Variants in DLGAP1 observed in about 807,000 individuals in gnomAD.
DLGAP1 encodes disks large-associated protein 1.
In DLGAP1, 11 loss-of-function variants were observed where a neutral mutation model predicts 90.8. That is an observed-to-expected ratio of 0.12 (90% CI 0.08 to 0.20). DLGAP1 has a LOEUF of 0.20. Among genes scored for constraint, DLGAP1 ranks in the 10% least tolerant of loss-of-function variants. The pLI, the probability that DLGAP1 is intolerant of heterozygous loss-of-function variation, is 1.00. For synonymous variants in DLGAP1, 558 were observed against 540.7 expected, an observed-to-expected ratio of 1.03 and a Z score of -0.44; for missense variants, 1,050 against 1,333.8, an observed-to-expected ratio of 0.79 and a Z score of 3.31.
chr18:3,577,678 A>C (rs2055238723), intron 8 of DLGAP1, among the ~76,000 whole-genome samples: 1 of 152,202 alleles, frequency 6.6e-6, no homozygotes, highest in African/African-American at 2.4e-5. Context: ...CCTCATCCCC[A>C]CTGGTCCTAG....
At chr18:3,911,875 A>G (rs1490943921) in intron 3 of DLGAP1, among the ~76,000 whole-genome samples, 1 of 152,240 alleles carries the variant, frequency 6.6e-6, no homozygotes, top group African/African-American at 2.4e-5. Flanking sequence ...TTAATGTCAA[A>G]TTAGCATACA....
rs1314143796 is a variant in DLGAP1, at chr18:3,534,352, T to A, written c.2321A>T (p.Asp774Val). The change falls in exon 10 of 13, where the codon GAC becomes GTC. Residue 774 changes from aspartate (D) to valine (V), a missense_variant. By Grantham distance (152) the Asp-to-Val change is radical. This residue lies in a region of DLGAP1 where 565 missense variants were observed against 879.7 expected (regional missense o/e 0.64). Transcript: ENST00000315677. ...CTCCAGAGGGTCTTCAGTGATAGAG[T>A]CAATCCAGGGGTCCGGAGGAGGCAG... ...SILPPPDPWI[D>V]SITEDPLEAV... The A allele has an allele frequency of 6.2e-7, 1 of 1,613,818 alleles. No homozygotes were observed. Among genetic ancestry groups the A allele is most frequent in the Non-Finnish European group, 8.5e-7 (1 of 1,179,950 alleles).
chr18:4,365,811 G>A lies in DLGAP1; in HGVS notation c.-267+89195C>T, dbSNP rs958448896. On this transcript the variant is annotated intron_variant, in intron 1 of 12. Transcript: ENST00000315677. ...ATAAAATACTTAAATATAGTATTTG[G>A]CTATTGACAACTTTTGAAATTAAAA... 3.3e-5 allele frequency among the ~76,000 whole-genome samples: 5 copies of A among 152,032 alleles called. No homozygotes were observed. The East Asian group carries it at 9.7e-4, about 29-fold the overall frequency.
chr18:4,227,918 G>T (rs1313040891), intron 1 of DLGAP1, among the ~76,000 whole-genome samples: 1 of 151,678 alleles, frequency 6.6e-6, no homozygotes, highest in African/African-American at 2.4e-5. Flanking sequence ...TGAAAAGTTT[G>T]TTTTTAAAAA....
At chr18:4,194,631 C>T (rs945693136) in intron 1 of DLGAP1, among the ~76,000 whole-genome samples, 1 of 152,046 alleles carries the variant, frequency 6.6e-6, no homozygotes, top group African/African-American at 2.4e-5. Context: ...TTTCAGCTAA[C>T]ATCTATTTAG....
intron 7 of DLGAP1, among the ~76,000 whole-genome samples, chr18:3,635,209 C>T (rs898973407): frequency 2.6e-5 from 4 of 151,400 alleles, no homozygotes; most frequent in Non-Finnish European, 5.9e-5. Context: ...CGGCTCACTG[C>T]AAGCTCCGCC....
chr18:3,814,325 CTT>C (rs775212185), intron 4 of DLGAP1, 52 bp from the exon 5 acceptor site: 1 of 1,271,700 alleles, frequency 7.9e-7, no homozygotes, highest in South Asian at 1.5e-5. Context: ...CTACCTTTTT[CTT>C]TTCTTTTTCT....
intron 7 of DLGAP1, among the ~76,000 whole-genome samples, chr18:3,683,077 C>T (rs61167251): frequency 0.019 from 2,815 of 152,030 alleles, 91 homozygotes; most frequent in East Asian, 0.14. Flanking sequence ...AGGCTGGTCT[C>T]GAACTCCTGA....
chr18:3,903,711 T>C (rs2071834722), intron 3 of DLGAP1, among the ~76,000 whole-genome samples: 1 of 152,208 alleles, frequency 6.6e-6, no homozygotes, highest in African/African-American at 2.4e-5. Flanking sequence ...TGTCTGTGAG[T>C]TTGTTAGGTT....
At chr18:3,764,960 G>C (rs1842505998) in intron 5 of DLGAP1, among the ~76,000 whole-genome samples, 1 of 152,038 alleles carries the variant, frequency 6.6e-6, no homozygotes, top group Admixed American at 6.6e-5. Context: ...GGTGAGAAAA[G>C]CAACCTCAGT....
chr18:3,771,275 C>T (rs745424173), intron 5 of DLGAP1: 1 of 152,420 alleles, frequency 6.6e-6, no homozygotes, highest in Non-Finnish European at 1.5e-5. Context: ...TCTCTTCTAA[C>T]CCCTGGGTCT....
chr18:4,040,037 C>A (rs1409939366), intron 2 of DLGAP1, among the ~76,000 whole-genome samples: 2 of 152,166 alleles, frequency 1.3e-5, no homozygotes, highest in Admixed American at 6.5e-5. Flanking sequence ...CAAGGACTCC[C>A]AATTTGGGCA....
chr18:3,938,076 G>C (rs6506140), intron 3 of DLGAP1, among the ~76,000 whole-genome samples: 110,317 of 152,122 alleles, frequency 0.73, 40,234 homozygotes, highest in African/African-American at 0.81. Flanking sequence ...AATGGTGTTA[G>C]TAAGTCAAGT....
At chr18:3,589,306 A>G (rs1437268818) in intron 7 of DLGAP1, among the ~76,000 whole-genome samples, 1 of 152,200 alleles carries the variant, frequency 6.6e-6, no homozygotes, top group Non-Finnish European at 1.5e-5. Flanking sequence ...CTCTCTTTCC[A>G]CTCTGGTTAT....
rs144675949 is a variant in DLGAP1, at chr18:4,341,715, A to AT, written c.-267+113290dup. Among the ~76,000 whole-genome samples the AT allele has an allele frequency of 6.7e-3, 1,016 of 152,244 alleles. 13 individuals are homozygous for AT. Among genetic ancestry groups the AT allele is most frequent in the African/African-American group, 0.023 (954 of 41,568 alleles). ...CAAGAAGTAGGAATAATAGTCTAGAATTTTTTTAAAATAGTATTTGGTATA... is the reference window on the plus strand; with the variant it reads ...CAAGAAGTAGGAATAATAGTCTAGAATTTTTTTTAAAATAGTATTTGGTATA... On this transcript the variant is annotated intron_variant, in intron 1 of 12. Transcript: ENST00000315677.
chr18:3,734,377 T>C (rs1006831932), intron 6 of DLGAP1, among the ~76,000 whole-genome samples: 2 of 152,176 alleles, frequency 1.3e-5, no homozygotes, highest in Non-Finnish European at 2.9e-5. Flanking sequence ...CTCAGCCTCC[T>C]GAGTAGCTGG....
chr18:4,285,750 T>C (rs1360251075), intron 1 of DLGAP1, among the ~76,000 whole-genome samples: 1 of 152,178 alleles, frequency 6.6e-6, no homozygotes, highest in African/African-American at 2.4e-5. Flanking sequence ...GTTTGAACAC[T>C]TAGCAGTCCA....
At chr18:3,943,752 T>C (rs968232510) in intron 3 of DLGAP1, among the ~76,000 whole-genome samples, 2 of 152,212 alleles carry the variant, frequency 1.3e-5, no homozygotes, top group African/African-American at 4.8e-5. Context: ...TGTCTCGGAA[T>C]GTGACTGTAC....
intron 8 of DLGAP1, among the ~76,000 whole-genome samples, chr18:3,572,054 A>T: frequency 7.0e-6 from 1 of 143,292 alleles, no homozygotes; most frequent in Admixed American, 7.0e-5. Context: ...ATGGATTTTC[A>T]GTGGTTTCTT....
Sources: gnomAD v4.1 joint callset for allele counts (sites outside exome capture counted in the v4.1 genomes callset) on GRCh38, gnomAD v4.1.1 for gene constraint, gnomAD v4.1.1 regional missense constraint, MANE v1.5 for transcripts, NCBI Gene and HGNC (gene_info 2026-07-23, HGNC 2026-07-21) for gene names.